Variants in CSF1R observed in about 807,000 individuals in gnomAD.
The protein encoded by CSF1R is colony stimulating factor 1 receptor.
CSF1R carries 40 observed loss-of-function variants against 110.0 expected under a neutral mutation model. The ratio of observed to expected loss-of-function variants is 0.36; its 90% CI spans 0.28 to 0.47. The LOEUF is 0.47. CSF1R is among the 20% of genes least tolerant of loss of function. The probability of loss-of-function intolerance (pLI) is 0.99; values close to 1 mark genes in which losing one functional copy is unlikely to be tolerated. For missense variants in CSF1R, 1,052 were observed against 1,253.0 expected (o/e 0.84, Z 2.42); for synonymous variants, 523 against 503.4 (o/e 1.04, Z -0.52).
intron 12 of CSF1R, 49 bp downstream of exon 12, chr5:150,061,442 C>T: frequency 1.1e-6 from 1 of 909,954 alleles, no homozygotes; most frequent in Non-Finnish European, 1.6e-6. Flanking sequence ...AGCCCACCCC[C>T]AGCATCTACC....
chr5:150,104,952 C>G (rs1265729007), intron 1 of CSF1R, among the ~76,000 whole-genome samples: 1 of 151,146 alleles, frequency 6.6e-6, no homozygotes. Flanking sequence ...GATCTCAGCT[C>G]ACTGCAACCT....
chr5:150,095,820 G>A (rs112059881), intron 1 of CSF1R, among the ~76,000 whole-genome samples: 1 of 146,028 alleles, frequency 6.8e-6, no homozygotes, highest in African/African-American at 2.5e-5. Context: ...ATGGAAAGTG[G>A]ACATCAATAC....
chr5:150,079,488 G>A (rs113658961), intron 3 of CSF1R, among the ~76,000 whole-genome samples: 5 of 152,256 alleles, frequency 3.3e-5, no homozygotes, highest in African/African-American at 9.6e-5. Context: ...GCCATCACAC[G>A]CACCCACCAT....
At chr5:150,055,149 A>G (rs1391683198) in intron 19 of CSF1R, 88 bp downstream of exon 19, 1 of 1,195,734 alleles carries the variant, frequency 8.4e-7, no homozygotes, top group East Asian at 2.4e-5. Flanking sequence ...CATTTTGGAC[A>G]GGGAAAGATC....
At chr5:150,084,849 T>C (rs965890007) in intron 1 of CSF1R, among the ~76,000 whole-genome samples, 4 of 152,162 alleles carry the variant, frequency 2.6e-5, no homozygotes, top group Admixed American at 6.5e-5. Flanking sequence ...GGTGTAAGGA[T>C]AGGACAAGGC....
chr5:150,104,638 GA>G (rs1759493335), intron 1 of CSF1R, among the ~76,000 whole-genome samples: 1 of 152,202 alleles, frequency 6.6e-6, no homozygotes, highest in Non-Finnish European at 1.5e-5. Flanking sequence ...TTGTTTTACT[GA>G]AGAGCAAACC....
chr5:150,076,565 C>T (rs2113822231), intron 5 of CSF1R, among the ~76,000 whole-genome samples: 1 of 152,274 alleles, frequency 6.6e-6, no homozygotes, highest in South Asian at 2.1e-4. Flanking sequence ...CCATCACTCT[C>T]CTCTTTACAA....
chr5:150,076,539 T>G (rs1309712525), intron 5 of CSF1R, among the ~76,000 whole-genome samples: 1 of 152,162 alleles, frequency 6.6e-6, no homozygotes, highest in African/African-American at 2.4e-5. Flanking sequence ...AAGTGCCTCC[T>G]CTGTACAATC....
Position 150,080,155 on chromosome 5 carries a change from G to A in CSF1R, c.489C>T (p.Thr163=), listed in dbSNP as rs768676884. The change falls in exon 3 of 21, where the codon ACC becomes ACT. Residue 163 remains threonine, a synonymous_variant. Coordinates refer to ENST00000675795, the MANE Select transcript of CSF1R (RefSeq NM_001288705.3). ...TCTGAATGAACTTGGCCCTGTGGAT[G>A]GTGAAGCCATGCCAGGGCGAGAAGG... ...NYSFSPWHGF[T]IHRAKFIQSQ... is the part of the protein sequence containing the mutation. The A allele has an allele frequency of 1.2e-6, 2 of 1,614,088 alleles. No homozygotes were observed. Among genetic ancestry groups the A allele is most frequent in the Non-Finnish European group, 1.7e-6 (2 of 1,180,054 alleles).
intron 10 of CSF1R, among the ~76,000 whole-genome samples, chr5:150,063,834 C>G (rs367819727): frequency 6.6e-6 from 1 of 152,256 alleles, no homozygotes; most frequent in East Asian, 1.9e-4. Context: ...CAACTCTTTC[C>G]GGCCAGGCCT....
At chr5:150,079,379 G>C (rs1354597717) in intron 3 of CSF1R, among the ~76,000 whole-genome samples, 1 of 152,212 alleles carries the variant, frequency 6.6e-6, no homozygotes, top group Middle Eastern at 3.2e-3. Context: ...TCAGGCTGGG[G>C]TCCTGCTTGC....
At position 150,053,842 on chromosome 5, in the gene CSF1R, G is replaced by A; in HGVS notation, c.*227C>T. 1.7e-6 allele frequency: 1 copy of A among 591,594 alleles called. No individual in the cohort carries two copies. Among genetic ancestry groups the A allele is most frequent in the Non-Finnish European group, 3.0e-6 (1 of 331,348 alleles). The allele number at this position is 591,594 out of a possible 1,614,324, so 36.6% of individuals were successfully genotyped here. On this transcript the variant is annotated 3_prime_UTR_variant, in exon 21 of 21. Coordinates refer to ENST00000675795, the MANE Select transcript of CSF1R (RefSeq NM_001288705.3). ...CCATGAGAACAGTAGGGGAGGGGGG[G>A]GTGAGGGCTCAGCCCCCAGCCCCTG...
intron 1 of CSF1R, among the ~76,000 whole-genome samples, chr5:150,109,694 A>G (rs1321185026): frequency 6.6e-6 from 1 of 152,192 alleles, no homozygotes; most frequent in Non-Finnish European, 1.5e-5. Context: ...AGGGCACTAT[A>G]TGTACTTAAA....
At chr5:150,084,431 GAAGGAAGGAAGGAAGGAAGGAAGGAAGA>G (rs1561946151) in intron 1 of CSF1R, among the ~76,000 whole-genome samples, 1 of 64,374 alleles carries the variant, frequency 1.6e-5, no homozygotes, top group African/African-American at 1.0e-4. Context: ...AGGAAGGAAG[GAAGGAAGGAAGGAAGGAAGGAAGGAAGA>G]AAGAAAGGAA....
At chr5:150,080,390 G>C in intron 2 of CSF1R, 54 bp from the exon 3 acceptor site, 5 of 1,579,796 alleles carry the variant, frequency 3.2e-6, no homozygotes, top group Non-Finnish European at 4.3e-6. Flanking sequence ...CTGGGCCAAG[G>C]AGTACCTGGA....
At chr5:150,067,779 C>T (rs566937593) in intron 10 of CSF1R, among the ~76,000 whole-genome samples, 1 of 152,310 alleles carries the variant, frequency 6.6e-6, no homozygotes, top group Admixed American at 6.5e-5. Context: ...GACAGGATCC[C>T]AGGGCTGCGC....
chr5:150,081,084 C>T (rs1246758761), intron 1 of CSF1R, 60 bp from the exon 2 acceptor site: 9 of 1,585,064 alleles, frequency 5.7e-6, no homozygotes, highest in Non-Finnish European at 6.9e-6. Flanking sequence ...CTTGGGCCGT[C>T]CTGACTCTGA....
intron 5 of CSF1R, among the ~76,000 whole-genome samples, chr5:150,076,320 TCCTATCTATCTATCTATCTATCTA>T (rs1261095417): frequency 3.2e-5 from 4 of 124,944 alleles, no homozygotes; most frequent in Non-Finnish European, 5.0e-5. Flanking sequence ...TCTAAGTACT[TCCTATCTATCTATCTATCTATCTA>T]TCTATCTATC....
intron 1 of CSF1R, among the ~76,000 whole-genome samples, chr5:150,104,925 C>T (rs1345737852): frequency 6.6e-6 from 1 of 151,450 alleles, no homozygotes; most frequent in African/African-American, 2.4e-5. Context: ...GTCACCCAGG[C>T]TGGAGTGCAG....
Sources: gnomAD v4.1 joint callset for allele counts (sites outside exome capture counted in the v4.1 genomes callset) on GRCh38, gnomAD v4.1.1 for gene constraint, MANE v1.5 for transcripts, NCBI Gene and HGNC (gene_info 2026-07-23, HGNC 2026-07-21) for gene names.